The following MXRA7 variants were observed in gnomAD, a reference collection of about 807,000 sequenced individuals.
The protein encoded by MXRA7 is matrix remodeling associated 7.
A neutral mutation model predicts 17.4 loss-of-function variants in MXRA7; 18 were observed. The observed-to-expected ratio is 1.03, with a 90% CI of 0.71 to 1.53. The LOEUF (loss-of-function observed/expected upper bound fraction) is 1.53, where lower values mean the gene tolerates loss of function less well. Among genes scored for constraint, MXRA7 ranks in the 40% most tolerant of loss-of-function variants. The probability of loss-of-function intolerance (pLI) is 0.00; values close to 1 mark genes in which losing one functional copy is unlikely to be tolerated. For synonymous variants in MXRA7, 70 were observed against 101.7 expected, an observed-to-expected ratio of 0.69 and a Z score of 1.87; for missense variants, 141 against 209.3, an observed-to-expected ratio of 0.67 and a Z score of 2.01.
At position 76,706,147 on chromosome 17, in the gene MXRA7, C is replaced by CCGTCACAGAGGCCCACGCTGT. The variant is rs2143686554; in HGVS notation, c.342+4457_342+4458insACAGCGTGGGCCTCTGTGACG. On this transcript the variant is annotated intron_variant, in intron 1 of 3. Coordinates refer to ENST00000449428, the MANE Select transcript of MXRA7 (RefSeq NM_198530.4). ...GCTGCCATCACAAAGGACCACACTG[C>CCGTCACAGAGGCCCACGCTGT]CGTCACAGAGGCCCACGCTGCCGTC... 2.0e-5 allele frequency among the ~76,000 whole-genome samples: 3 copies of CCGTCACAGAGGCCCACGCTGT among 151,978 alleles called. No homozygotes were observed. In the East Asian group the frequency reaches 5.8e-4, roughly 30 times the overall value.
intron 1 of MXRA7, among the ~76,000 whole-genome samples, chr17:76,701,548 G>C (rs1167885415): frequency 6.6e-6 from 1 of 152,082 alleles, no homozygotes; most frequent in Non-Finnish European, 1.5e-5. Flanking sequence ...CGGCAGGTGT[G>C]TTCTGGAAGG....
At chr17:76,691,607 C>G (rs939164841) in intron 1 of MXRA7, among the ~76,000 whole-genome samples, 4 of 152,056 alleles carry the variant, frequency 2.6e-5, no homozygotes, top group Non-Finnish European at 1.5e-5. Context: ...GGGAGGACAC[C>G]CACTTGGTGT....
chr17:76,702,870 T>C (rs74680116), intron 1 of MXRA7, among the ~76,000 whole-genome samples: 3 of 69,840 alleles, frequency 4.3e-5, no homozygotes, highest in African/African-American at 1.1e-4. Context: ...TATATATATA[T>C]ACGTATATAT....
In MXRA7 at chr17:76,710,633, GC is replaced by G; in HGVS notation, c.313del (p.Ala105ArgfsTer44). The part of the protein sequence containing the change: ...PGDPAAAPAE[A>X]EEQAVEARQE... ...CCTCGCCTCCACCGCCTGCTCCTCCGCCTCCGCTGGCGCCGCCGCGGGATCC... is the reference window on the plus strand; with the variant it reads ...CCTCGCCTCCACCGCCTGCTCCTCCGCTCCGCTGGCGCCGCCGCGGGATCC... On this transcript the variant is annotated frameshift_variant, in exon 1 of 4. Coordinates refer to ENST00000449428, the MANE Select transcript of MXRA7 (RefSeq NM_198530.4). LOFTEE classifies it high-confidence loss of function. 1 of 1,383,196 alleles carries G rather than the reference GC, an allele frequency of 7.2e-7. No individual in the cohort carries two copies. Among genetic ancestry groups the G allele is most frequent in the Non-Finnish European group, 9.4e-7 (1 of 1,064,486 alleles). 85.7% of individuals were successfully genotyped at this position (1,383,196 alleles called of 1,614,324 possible).
downstream of MXRA7, among the ~76,000 whole-genome samples, chr17:76,678,993 C>T (rs1419631794): frequency 6.6e-6 from 1 of 152,104 alleles, no homozygotes; most frequent in Non-Finnish European, 1.5e-5. Flanking sequence ...TGCTTTGTGC[C>T]CTCCTGTAAG....
downstream of MXRA7, among the ~76,000 whole-genome samples, chr17:76,678,580 C>T (rs1248081715): frequency 6.6e-6 from 1 of 152,216 alleles, no homozygotes; most frequent in Admixed American, 6.5e-5. Flanking sequence ...CTGGTTTCTG[C>T]AGTTCCTGCC....
chr17:76,706,283 G>A (rs2076656695), intron 1 of MXRA7, among the ~76,000 whole-genome samples: 1 of 121,390 alleles, frequency 8.2e-6, no homozygotes, highest in Non-Finnish European at 1.8e-5. Context: ...CCGTCACAGA[G>A]GCCCACGCTG....
chr17:76,684,897 C>G (rs2076365871), intron 3 of MXRA7, among the ~76,000 whole-genome samples, 175 bp downstream of exon 3: 1 of 152,092 alleles, frequency 6.6e-6, no homozygotes, highest in Admixed American at 6.5e-5. Context: ...CCTGGCTGAC[C>G]AGGGCAGGAA....
At chr17:76,684,676 A>G in intron 3 of MXRA7, 1 of 445,914 alleles carries the variant, frequency 2.2e-6, no homozygotes, top group Non-Finnish European at 4.4e-6. Context: ...CTGTGTCCCG[A>G]AGGAGAAATG....
At chr17:76,695,825 G>A (rs2076528277) in intron 1 of MXRA7, among the ~76,000 whole-genome samples, 1 of 152,166 alleles carries the variant, frequency 6.6e-6, no homozygotes, top group South Asian at 2.1e-4. Context: ...GGGTGTTGTG[G>A]CTTATGCCTG....
intron 1 of MXRA7, among the ~76,000 whole-genome samples, chr17:76,697,736 C>T (rs942543099): frequency 6.6e-6 from 1 of 152,184 alleles, no homozygotes; most frequent in African/African-American, 2.4e-5. Flanking sequence ...GACCAGGGTG[C>T]CCCGGAGGCC....
chr17:76,684,629 C>T, intron 3 of MXRA7: 3 of 408,440 alleles, frequency 7.3e-6, no homozygotes, highest in South Asian at 5.3e-5. Context: ...CAGGCGCCGG[C>T]CTGGGAGGCC....
chr17:76,679,453 T>C (rs1476826940), downstream of MXRA7: 2 of 254,044 alleles, frequency 7.9e-6, no homozygotes, highest in Non-Finnish European at 1.2e-5. Flanking sequence ...GGTGGATGTA[T>C]GGCTTTGTAC....
intron 3 of MXRA7, 66 bp downstream of exon 3, chr17:76,685,006 G>A (rs1303174471): frequency 7.5e-7 from 1 of 1,335,372 alleles, no homozygotes; most frequent in Non-Finnish European, 1.1e-6. Context: ...GGAACATGAA[G>A]GGCTCAGAGG....
At chr17:76,680,992 A>G in intron 3 of MXRA7, 113 bp from the exon 4 acceptor site, 1 of 873,252 alleles carries the variant, frequency 1.1e-6, no homozygotes, top group Non-Finnish European at 1.8e-6. Context: ...GGAATTGCAG[A>G]AGCTGCGCTA....
At chr17:76,705,526 T>C (rs550672794) in intron 1 of MXRA7, among the ~76,000 whole-genome samples, 66 of 152,352 alleles carry the variant, frequency 4.3e-4, no homozygotes, top group Admixed American at 3.7e-3. Flanking sequence ...GGACTAAATA[T>C]TTGTGTCCCC....
chr17:76,686,105 C>T (rs1047711290), intron 2 of MXRA7, among the ~76,000 whole-genome samples: 6 of 152,168 alleles, frequency 3.9e-5, no homozygotes, highest in Non-Finnish European at 7.3e-5. Context: ...TTCATGCTAC[C>T]GGATAGGCTG....
intron 3 of MXRA7, 80 bp from the exon 4 acceptor site, chr17:76,680,959 G>A: frequency 8.6e-7 from 1 of 1,168,964 alleles, no homozygotes; most frequent in Non-Finnish European, 1.3e-6. Flanking sequence ...AGGGGGAAAT[G>A]GGGACGAGGA....
rs146089758 is a variant in MXRA7 at position 76,690,700 on chromosome 17, C to T, written c.343-2524G>A. ...TTTGGTTTCGGCCCCCAGTTCTTGA[C>T]ACAGTTTTTATTTTGTTTGTTTTTT... On this transcript the variant is annotated intron_variant, in intron 1 of 3. Coordinates refer to ENST00000449428, the MANE Select transcript of MXRA7 (RefSeq NM_198530.4). Among the ~76,000 whole-genome samples the T allele has an allele frequency of 5.2e-3, 794 of 152,118 alleles. 11 individuals carry two copies. Among genetic ancestry groups the T allele is most frequent in the African/African-American group, 0.018 (764 of 41,490 alleles).
Sources: gnomAD v4.1 joint callset for allele counts (sites outside exome capture counted in the v4.1 genomes callset) on GRCh38, gnomAD v4.1.1 for gene constraint, MANE v1.5 for transcripts, NCBI Gene and HGNC (gene_info 2026-07-23, HGNC 2026-07-21) for gene names.